Variants in DERL2 observed in about 807,000 individuals in gnomAD.
DERL2 encodes the protein derlin-2.
In DERL2, 13 loss-of-function variants were observed where a neutral mutation model predicts 32.0. The observed-to-expected ratio is 0.41, with a 90% CI of 0.26 to 0.65. The LOEUF (loss-of-function observed/expected upper bound fraction) is 0.65. Ranked by LOEUF, DERL2 falls within the 30% of genes least tolerant of loss-of-function variation. The pLI, the probability that DERL2 is intolerant of heterozygous loss-of-function variation, is 0.35. For missense variants in DERL2, 208 were observed against 296.3 expected, an observed-to-expected ratio of 0.70 and a Z score of 2.19; for synonymous variants, 111 against 104.7, an observed-to-expected ratio of 1.06 and a Z score of -0.37.
intron 6 of DERL2, among the ~76,000 whole-genome samples, chr17:5,478,572 T>C (rs796478042): frequency 2.4e-4 from 36 of 152,324 alleles, no homozygotes; most frequent in African/African-American, 8.7e-4. Flanking sequence ...GGAAGGCGTT[T>C]GGCAACAAAA....
At position 5,486,100 on chromosome 17, in the gene DERL2, G is replaced by C. The variant is rs1906256022; in HGVS notation, c.62C>G (p.Thr21Ser). ...GGCGGTGGTGAGGACGCAGGCAGTGGTGTAGGCGCGGCTGACCGGTGGGAT... is the reference window on the plus strand; with the variant it reads ...GGCGGTGGTGAGGACGCAGGCAGTGCTGTAGGCGCGGCTGACCGGTGGGAT... Reference protein sequence around the residue: ...LQIPPVSRAYTTACVLTTAAV... With the variant: ...LQIPPVSRAYSTACVLTTAAV... The change falls in exon 1 of 7, where the codon ACC (threonine) becomes AGC (serine). Residue 21 changes from threonine (T) to serine (S), a missense_variant. Transcript: ENST00000158771. The C allele has an allele frequency of 6.2e-7, 1 of 1,611,842 alleles. No homozygotes were observed. Among genetic ancestry groups the C allele is most frequent in the African/African-American group, 1.3e-5 (1 of 74,826 alleles).
chr17:5,479,746 C>T lies in DERL2; in HGVS notation c.614+308G>A, dbSNP rs1482079598. Among the ~76,000 whole-genome samples the T allele has an allele frequency of 3.3e-5, 5 of 152,164 alleles. No homozygotes were observed. The South Asian group carries it at 6.2e-4, about 19-fold the overall frequency. ...CATTTTGCTACCTTACTTCACTAAA[C>T]GTGGACAGCAGCTTTCATAAAACCA... On this transcript the variant is annotated intron_variant, in intron 6 of 6. Coordinates refer to ENST00000158771, the MANE Select transcript of DERL2 (RefSeq NM_016041.5).
chr17:5,482,923 T>C (rs1419948078), intron 2 of DERL2, 41 bp from the exon 3 acceptor site: 2 of 1,117,946 alleles, frequency 1.8e-6, no homozygotes, highest in Non-Finnish European at 2.6e-6. Context: ...TTAAGTAAAA[T>C]AAATTACCAG....
chr17:5,474,720 G>T lies in DERL2; in HGVS notation c.684C>A (p.Gly228=). The change falls in exon 7 of 7, where the codon GGC becomes GGA. Residue 228 remains glycine (G), a synonymous_variant. Transcript: ENST00000158771. The surrounding 1 kb of genome is among the most constrained non-coding windows in gnomAD (Gnocchi z 4.3). ...GCCGCTGGCCCTCACCCCAGGCGAAGCCTCCTGGCCGTTCCTCAGGTAGTG... is the reference window on the plus strand; with the variant it reads ...GCCGCTGGCCCTCACCCCAGGCGAATCCTCCTGGCCGTTCCTCAGGTAGTG... ...YNPLPEERPG[G]FAWGEGQRLG... 6.2e-7 allele frequency: 1 copy of T among 1,613,530 alleles called. No individual in the cohort carries two copies. The highest frequency in any genetic ancestry group is 8.5e-7 in the Non-Finnish European group (1 of 1,179,816).
upstream of DERL2, chr17:5,486,294 C>G (rs186918169): frequency 1.5e-5 from 10 of 673,442 alleles, no homozygotes; most frequent in Middle Eastern, 8.7e-4. Flanking sequence ...CAACGCCAAG[C>G]AACCGCAATC....
Position 5,481,735 on chromosome 17 carries a change from C to T in DERL2, c.234-346G>A, listed in dbSNP as rs1425800811. Reference sequence around the variant, plus strand: ...TGCCATATCGGCTCACTGCAAGCTCCGCCTCTCAGATTCAAGCGATTCTCC... The same window carrying T: ...TGCCATATCGGCTCACTGCAAGCTCTGCCTCTCAGATTCAAGCGATTCTCC... On this transcript the variant is annotated intron_variant, in intron 3 of 6. Coordinates refer to ENST00000158771, the MANE Select transcript of DERL2 (RefSeq NM_016041.5). The surrounding 1 kb of genome is among the most constrained non-coding windows in gnomAD (Gnocchi z 4.4). 6.6e-6 allele frequency among the ~76,000 whole-genome samples: 1 copy of T among 151,916 alleles called. No homozygotes were observed. The highest frequency in any genetic ancestry group is 1.5e-5 in the Non-Finnish European group (1 of 67,976).
intron 4 of DERL2, chr17:5,480,826 T>C: frequency 2.2e-6 from 1 of 460,084 alleles, no homozygotes; most frequent in Non-Finnish European, 3.8e-6. Context: ...GTGAAGTTCT[T>C]GCCTCTTTGG....
At chr17:5,485,905 T>G (rs1336420838) in intron 1 of DERL2, 164 bp downstream of exon 1, 4 of 514,688 alleles carry the variant, frequency 7.8e-6, no homozygotes, top group Non-Finnish European at 1.4e-5. Flanking sequence ...CGTCACTGGA[T>G]AAGCATTCTT....
chr17:5,482,826 T>A lies in DERL2; in HGVS notation c.216A>T (p.Leu72Phe). ...LFFGPVGFNFLFNMIFLYRYC... is the reference protein window; with the variant it reads ...LFFGPVGFNFFFNMIFLYRYC... ...AAGGATACAGAAAAATCATGTTAAA[T>A]AAAAAATTGAATCCAACTGGCCCAA... Residue 72 changes from leucine to phenylalanine, a missense_variant, in exon 3 of 7, where the codon TTA (leucine) becomes TTT (phenylalanine). By Grantham distance (22) the Leu-to-Phe change is conservative. Coordinates refer to ENST00000158771, the MANE Select transcript of DERL2 (RefSeq NM_016041.5). The A allele has an allele frequency of 6.6e-7, 1 of 1,512,670 alleles. No individual in the cohort carries two copies. The highest frequency in any genetic ancestry group is 9.0e-7 in the Non-Finnish European group (1 of 1,107,300). 93.7% of individuals were successfully genotyped at this position (1,512,670 alleles called of 1,614,324 possible). A position where few individuals can be genotyped will look rare whatever the true frequency, so the allele number is the denominator to read the frequency against.
intron 2 of DERL2, 69 bp downstream of exon 2, chr17:5,485,082 G>A (rs1043259669): frequency 3.5e-6 from 4 of 1,153,842 alleles, no homozygotes; most frequent in Non-Finnish European, 5.0e-6. Context: ...TGTATAACAG[G>A]ATTTGCTACT....
chr17:5,480,306 C>T, intron 5 of DERL2, 81 bp downstream of exon 5: 1 of 1,425,484 alleles, frequency 7.0e-7, no homozygotes, highest in Non-Finnish European at 9.6e-7. Flanking sequence ...TACGTGAAGG[C>T]CAAACAGAAT....
In DERL2 at chr17:5,483,505, C is replaced by A. The variant is rs532986165; in HGVS notation, c.160-623G>T. 2.6e-5 allele frequency among the ~76,000 whole-genome samples: 4 copies of A among 152,138 alleles called. No individual in the cohort carries two copies. In the South Asian group the frequency reaches 6.2e-4, roughly 24 times the overall value. ...AACACTTATTTTCTTGTTGGAAACC[C>A]TGATAGACCCTTCCCTACCCAACAT... is the stretch of plus-strand genomic sequence containing the variant. On this transcript the variant is annotated intron_variant, in intron 2 of 6. Coordinates refer to ENST00000158771, the MANE Select transcript of DERL2 (RefSeq NM_016041.5).
rs557880381 is a variant in DERL2, at chr17:5,483,867, C to T, written c.160-985G>A. On this transcript the variant is annotated intron_variant, in intron 2 of 6. Transcript: ENST00000158771. ...ACTACAGCGCCATGTGAGTATTGTG[C>T]GAACACAGTGACAAGAGATGACAGG... Among the ~76,000 whole-genome samples, 12 of 152,240 alleles carry T rather than the reference C, an allele frequency of 7.9e-5. No homozygotes were observed. The South Asian group carries it at 1.9e-3, about 24-fold the overall frequency.
rs1032387691 is a variant in DERL2 at position 5,481,035 on chromosome 17, A to G, written c.327+261T>C. 3 of 556,674 alleles carry G rather than the reference A, an allele frequency of 5.4e-6. No homozygotes were observed. The highest frequency in any genetic ancestry group is 5.1e-5 in the South Asian group (2 of 39,302). 34.5% of individuals were successfully genotyped at this position (556,674 alleles called of 1,614,324 possible). ...TAGCCACCAAGTAAATGTCTTACCA[A>G]CTTAGTTTAAAAGTGAAGTACGCCA... On this transcript the variant is annotated intron_variant, in intron 4 of 6. Transcript: ENST00000158771. The surrounding 1 kb of genome is among the most constrained non-coding windows in gnomAD (Gnocchi z 4.4).
intron 3 of DERL2, chr17:5,482,535 C>G (rs1050236255): frequency 3.4e-6 from 1 of 295,106 alleles, no homozygotes; most frequent in African/African-American, 2.3e-5. Context: ...GGAGGTATGC[C>G]TCAGTTAAAT....
intron 3 of DERL2, 38 bp downstream of exon 3, chr17:5,482,770 GA>G (rs1375223079): frequency 6.8e-6 from 8 of 1,184,208 alleles, no homozygotes; most frequent in East Asian, 2.4e-5. Flanking sequence ...TACTTCCTAA[GA>G]AAAAGTTTTG....
At chr17:5,482,930 C>T in intron 2 of DERL2, 48 bp from the exon 3 acceptor site, 2 of 1,050,314 alleles carry the variant, frequency 1.9e-6, no homozygotes, top group Admixed American at 2.5e-5. Flanking sequence ...AAATAAATTA[C>T]CAGGAAACAG....
At position 5,474,350 on chromosome 17, in the gene DERL2, C is replaced by T. The variant is rs1905259897; in HGVS notation, c.*334G>A. 1.6e-5 allele frequency: 3 copies of T among 184,914 alleles called. No individual in the cohort carries two copies. The highest frequency in any genetic ancestry group is 6.2e-5 in the Admixed American group (1 of 16,258). 11.5% of individuals were successfully genotyped at this position (184,914 alleles called of 1,614,324 possible). A position where few individuals can be genotyped will look rare whatever the true frequency, so the allele number is the denominator to read the frequency against. ...GTCCTCTCTGAAACTTCCATTTACA[C>T]CATGGCCTCATCTATCAAGAAGAGG... On this transcript the variant is annotated 3_prime_UTR_variant, in exon 7 of 7. Transcript: ENST00000158771. The surrounding 1 kb of genome is among the most constrained non-coding windows in gnomAD (Gnocchi z 4.3).
At position 5,474,508 on chromosome 17, in the gene DERL2, G is replaced by A; in HGVS notation, c.*176C>T. 1.9e-6 allele frequency: 1 copy of A among 525,734 alleles called. No homozygotes were observed. The highest frequency in any genetic ancestry group is 3.8e-5 in the Admixed American group (1 of 26,588). The allele number at this position is 525,734 out of a possible 1,614,324, so 32.6% of individuals were successfully genotyped here. On this transcript the variant is annotated 3_prime_UTR_variant, in exon 7 of 7. Coordinates refer to ENST00000158771, the MANE Select transcript of DERL2 (RefSeq NM_016041.5). This position sits in a 1 kb window ranked among gnomAD's most constrained non-coding sequence, Gnocchi z 4.3. ...AGTACCAGTGTAGTGAGGAACCACT[G>A]GCAAACTGTTGGAAATGTCTTCTGG...
Sources: allele counts gnomAD v4.1 joint callset (sites outside exome capture counted in the v4.1 genomes callset), GRCh38; gene constraint gnomAD v4.1.1; non-coding constraint Gnocchi (gnomAD v3.1); transcripts MANE v1.5; gene names NCBI Gene and HGNC (gene_info 2026-07-23, HGNC 2026-07-21).